Variants in VTI1A observed in about 807,000 individuals in gnomAD.
VTI1A encodes the protein vesicle transport through interaction with t-SNAREs 1A.
A neutral mutation model predicts 34.9 loss-of-function variants in VTI1A; 22 were observed. That is an observed-to-expected ratio of 0.63 (90% CI 0.45 to 0.90). The LOEUF (loss-of-function observed/expected upper bound fraction) is 0.90. Ranked by LOEUF, VTI1A falls within the 40% of genes least tolerant of loss-of-function variation. VTI1A has a pLI of 0.00. For missense variants in VTI1A, 268 were observed against 275.6 expected (o/e 0.97, Z 0.20); for synonymous variants, 87 against 97.3 (o/e 0.89, Z 0.62).
chr10:112,447,270 C>A lies in VTI1A; in HGVS notation c.-104C>A, dbSNP rs760636886. 3 of 1,273,642 alleles carry A rather than the reference C, an allele frequency of 2.4e-6. No individual in the cohort carries two copies. The highest frequency in any genetic ancestry group is 2.6e-4 in the Middle Eastern group (1 of 3,868). The allele number at this position is 1,273,642 out of a possible 1,614,324, so 78.9% of individuals were successfully genotyped here. Reference sequence around the variant, plus strand: ...TGTCCCCGGTTCTCCGTTCTGCTCTCGGGGGCACCTTCCGGGGTTCCTAAG... The same window carrying A: ...TGTCCCCGGTTCTCCGTTCTGCTCTAGGGGGCACCTTCCGGGGTTCCTAAG... On this transcript the variant is annotated 5_prime_UTR_variant, in exon 1 of 8. Coordinates refer to ENST00000393077, the MANE Select transcript of VTI1A (RefSeq NM_145206.4).
At chr10:112,534,164 A>G (rs1277984088) in intron 4 of VTI1A, among the ~76,000 whole-genome samples, 1 of 152,004 alleles carries the variant, frequency 6.6e-6, no homozygotes, top group Non-Finnish European at 1.5e-5. Context: ...CATTTTTCTG[A>G]GTTTGCTGGA....
At chr10:112,516,425 T>C (rs1849783592) in intron 3 of VTI1A, among the ~76,000 whole-genome samples, 1 of 152,118 alleles carries the variant, frequency 6.6e-6, no homozygotes, top group Admixed American at 6.6e-5. Context: ...ATATTTGCTT[T>C]CTATTTTAAT....
intron 3 of VTI1A, among the ~76,000 whole-genome samples, chr10:112,477,660 G>A (rs550971460): frequency 1.3e-5 from 2 of 152,252 alleles, no homozygotes; most frequent in South Asian, 4.1e-4. Context: ...ACATTGCATG[G>A]CATTGGCCTT....
At chr10:112,643,582 A>C (rs1846663432) in intron 5 of VTI1A, among the ~76,000 whole-genome samples, 1 of 152,102 alleles carries the variant, frequency 6.6e-6, no homozygotes, top group African/African-American at 2.4e-5. Flanking sequence ...AAAAAAAATT[A>C]TCCTTTTTTT....
chr10:112,463,184 C>T (rs1424010969), intron 2 of VTI1A, among the ~76,000 whole-genome samples: 1 of 152,152 alleles, frequency 6.6e-6, no homozygotes, highest in East Asian at 1.9e-4. Flanking sequence ...CTCGGCCTCC[C>T]GAAGTGCTGG....
intron 7 of VTI1A, among the ~76,000 whole-genome samples, chr10:112,688,386 C>T (rs1238513689): frequency 6.6e-6 from 1 of 151,780 alleles, no homozygotes; most frequent in Non-Finnish European, 1.5e-5. Context: ...TCTCCCCTCC[C>T]TTTTTTTTAG....
At chr10:112,605,463 A>G (rs1415653952) in intron 5 of VTI1A, among the ~76,000 whole-genome samples, 2 of 152,174 alleles carry the variant, frequency 1.3e-5, no homozygotes, top group Non-Finnish European at 2.9e-5. Flanking sequence ...CTCCACTACA[A>G]CCTTAGCTGC....
chr10:112,810,042 A>C (rs1454441146), intron 7 of VTI1A, among the ~76,000 whole-genome samples: 1 of 152,130 alleles, frequency 6.6e-6, no homozygotes, highest in Non-Finnish European at 1.5e-5. Context: ...TTGGAAAATA[A>C]AGTCAGTTTA....
intron 5 of VTI1A, among the ~76,000 whole-genome samples, chr10:112,588,303 GT>G (rs1036189752): frequency 4.0e-5 from 6 of 151,212 alleles, no homozygotes; most frequent in Non-Finnish European, 7.4e-5. Flanking sequence ...CCATTATGAA[GT>G]TTTTTTTTCT....
intron 7 of VTI1A, among the ~76,000 whole-genome samples, chr10:112,713,613 C>T (rs1033887450): frequency 3.3e-5 from 5 of 152,138 alleles, no homozygotes; most frequent in Admixed American, 6.5e-5. Flanking sequence ...TTGTCTGACA[C>T]CTGATACCAG....
intron 7 of VTI1A, among the ~76,000 whole-genome samples, chr10:112,771,896 CG>C (rs2134022845): frequency 1.3e-5 from 2 of 152,262 alleles, no homozygotes; most frequent in South Asian, 4.1e-4. Context: ...TCCTTTTTTA[CG>C]GTCAAATAGT....
In VTI1A at chr10:112,664,475, C is replaced by T. The variant is rs1489608947; in HGVS notation, c.428-3743C>T. 2.0e-5 allele frequency among the ~76,000 whole-genome samples: 3 copies of T among 152,104 alleles called. No homozygotes were observed. The East Asian group carries it at 5.8e-4, about 29-fold the overall frequency. On this transcript the variant is annotated intron_variant, in intron 5 of 7. Transcript: ENST00000393077. ...TATTATTATTTTATGAGTGGAGAGA[C>T]ATGATGCTTTCAGTGATATAAGCTC... is the stretch of plus-strand genomic sequence containing the variant.
At chr10:112,777,661 A>G (rs990579776) in intron 7 of VTI1A, among the ~76,000 whole-genome samples, 1 of 152,200 alleles carries the variant, frequency 6.6e-6, no homozygotes, top group African/African-American at 2.4e-5. Flanking sequence ...GTCAGAGGCA[A>G]AACTCATTGG....
chr10:112,757,406 G>T (rs1298265982), intron 7 of VTI1A, among the ~76,000 whole-genome samples: 2 of 103,762 alleles, frequency 1.9e-5, no homozygotes, highest in Non-Finnish European at 3.5e-5. Context: ...TTGCTCCATT[G>T]CCCAGGCTGG....
intron 5 of VTI1A, among the ~76,000 whole-genome samples, chr10:112,659,747 C>T (rs1039720562): frequency 2.6e-5 from 4 of 152,146 alleles, no homozygotes; most frequent in African/African-American, 4.8e-5. Flanking sequence ...GTGCATAGGC[C>T]CTGCATGGTC....
At chr10:112,538,462 A>C (rs1018274945) in intron 5 of VTI1A, 132 bp downstream of exon 5, 2 of 775,808 alleles carry the variant, frequency 2.6e-6, no homozygotes, top group African/African-American at 3.5e-5. Context: ...TTGGGGAGAC[A>C]ATTGGGAGCT....
At chr10:112,798,665 CG>C (rs1852761097) in intron 7 of VTI1A, among the ~76,000 whole-genome samples, 1 of 152,182 alleles carries the variant, frequency 6.6e-6, no homozygotes. Context: ...TCCACAAATA[CG>C]GTTCTTGGTG....
At chr10:112,703,730 G>C (rs114930769) in intron 7 of VTI1A, among the ~76,000 whole-genome samples, 11 of 152,238 alleles carry the variant, frequency 7.2e-5, no homozygotes, top group Non-Finnish European at 1.2e-4. Flanking sequence ...TTCATATTCA[G>C]GTTGTAACAT....
chr10:112,679,695 G>T (rs1304435871), intron 7 of VTI1A, among the ~76,000 whole-genome samples: 1 of 151,378 alleles, frequency 6.6e-6, no homozygotes, highest in African/African-American at 2.4e-5. Flanking sequence ...TGCAATTATA[G>T]TTTACCTAGG....
Sources: gnomAD v4.1 joint callset for allele counts (sites outside exome capture counted in the v4.1 genomes callset) on GRCh38, gnomAD v4.1.1 for gene constraint, MANE v1.5 for transcripts, NCBI Gene and HGNC (gene_info 2026-07-23, HGNC 2026-07-21) for gene names.